IRGM: variants seen among roughly 807,000 people sequenced by gnomAD.
IRGM encodes immunity-related GTPase family M protein.
For synonymous variants in IRGM, 98 were observed against 80.6 expected (o/e 1.22, Z -1.16); for missense variants, 288 against 219.9 (o/e 1.31, Z -1.96).
At chr5:150,898,501 C>T (rs751998900) in intron 3 of IRGM, 1 of 1,613,162 alleles carries the variant, frequency 6.2e-7, no homozygotes, top group Non-Finnish European at 8.5e-7. Flanking sequence ...GGTCAAGTTG[C>T]TGCCACTCCT....
chr5:150,851,825 T>A (rs1467931924), downstream of IRGM, among the ~76,000 whole-genome samples: 1 of 152,242 alleles, frequency 6.6e-6, no homozygotes, highest in Non-Finnish European at 1.5e-5. Context: ...TTATTGTAGA[T>A]GAATCTGGAA....
chr5:150,874,177 C>A (rs912563271), intron 1 of IRGM, among the ~76,000 whole-genome samples: 2 of 152,192 alleles, frequency 1.3e-5, no homozygotes, highest in African/African-American at 4.8e-5. Context: ...GCAAGGCCAG[C>A]AATATCCTAT....
intron 3 of IRGM, chr5:150,898,206 G>A (rs1407486028): frequency 5.0e-6 from 8 of 1,611,852 alleles, no homozygotes; most frequent in Non-Finnish European, 5.9e-6. Flanking sequence ...AAATCACAGA[G>A]AATTGAGATT....
At chr5:150,880,380 C>T (rs535562638) in intron 3 of IRGM, among the ~76,000 whole-genome samples, 7 of 152,084 alleles carry the variant, frequency 4.6e-5, no homozygotes, top group African/African-American at 7.2e-5. Context: ...ATGCTTAAAC[C>T]GAAATTAAGA....
At chr5:150,851,921 C>G (rs566126269), downstream of IRGM, among the ~76,000 whole-genome samples, 1 of 152,268 alleles carries the variant, frequency 6.6e-6, no homozygotes, top group Admixed American at 6.5e-5. Context: ...GTAAAAAGCT[C>G]TAAACTTAAA....
At chr5:150,876,498 C>A (rs1754364856) in intron 1 of IRGM, among the ~76,000 whole-genome samples, 1 of 152,140 alleles carries the variant, frequency 6.6e-6, no homozygotes, top group Non-Finnish European at 1.5e-5. Context: ...AGTCAACAGG[C>A]TAAGAAGGGA....
At chr5:150,896,536 G>A (rs1581659159) in intron 3 of IRGM, 2 of 1,613,614 alleles carry the variant, frequency 1.2e-6, no homozygotes, top group South Asian at 1.1e-5. Context: ...ACTCCATTGT[G>A]AATCTTCTCA....
intron 1 of IRGM, among the ~76,000 whole-genome samples, chr5:150,873,425 C>G (rs1482467509): frequency 1.3e-5 from 2 of 152,176 alleles, no homozygotes; most frequent in African/African-American, 4.8e-5. Context: ...TGCTGTTAAT[C>G]TTTCTCCCAT....
intron 1 of IRGM, among the ~76,000 whole-genome samples, chr5:150,859,152 G>T (rs1218977080): frequency 6.6e-6 from 1 of 152,134 alleles, no homozygotes; most frequent in Non-Finnish European, 1.5e-5. Flanking sequence ...GTTGAATTTT[G>T]TCAAGGGCCT....
downstream of IRGM, among the ~76,000 whole-genome samples, chr5:150,849,582 G>A (rs1186278340): frequency 6.6e-6 from 1 of 150,680 alleles, no homozygotes; most frequent in African/African-American, 2.4e-5. Context: ...CCATATATAT[G>A]GGTGTAATTT....
downstream of IRGM, among the ~76,000 whole-genome samples, chr5:150,901,143 G>A (rs1220451920): frequency 6.6e-6 from 1 of 151,954 alleles, no homozygotes; most frequent in Non-Finnish European, 1.5e-5. Flanking sequence ...CTTCCTGAAG[G>A]AAGAAGCATT....
Position 150,854,859 on chromosome 5 carries a change from A to G in IRGM, c.158+6205A>G, listed in dbSNP as rs192278758. Among the ~76,000 whole-genome samples, 13 of 152,214 alleles carry G rather than the reference A, an allele frequency of 8.5e-5. No individual in the cohort carries two copies. In the East Asian group the frequency reaches 1.2e-3, roughly 14 times the overall value. On this transcript the variant is annotated intron_variant and NMD_transcript_variant, in intron 1 of 3. Coordinates refer to the IRGM transcript ENST00000520549. ...CCTCAAACTTGGGAAGCTTTTGGCTATTACTTTTTCAAAAAAATTATCTGC... is the reference window on the plus strand; with the variant it reads ...CCTCAAACTTGGGAAGCTTTTGGCTGTTACTTTTTCAAAAAAATTATCTGC...
intron 3 of IRGM, among the ~76,000 whole-genome samples, chr5:150,886,790 T>C (rs1754531363): frequency 6.6e-6 from 1 of 151,782 alleles, no homozygotes; most frequent in African/African-American, 2.4e-5. Context: ...ATGTTTCCTC[T>C]TTTTTTCTTT....
intron 3 of IRGM, chr5:150,898,244 G>T: frequency 6.2e-7 from 1 of 1,604,800 alleles, no homozygotes; most frequent in East Asian, 2.2e-5. Flanking sequence ...AAGAGAAGGT[G>T]CAGTTTCAGA....
At chr5:150,899,147 T>A (rs1428078213) in intron 3 of IRGM, among the ~76,000 whole-genome samples, 1 of 152,044 alleles carries the variant, frequency 6.6e-6, no homozygotes, top group African/African-American at 2.4e-5. Context: ...TCCCTCACAG[T>A]CCTGAAGAAC....
intron 1 of IRGM, among the ~76,000 whole-genome samples, chr5:150,868,195 G>A (rs1754233766): frequency 6.6e-6 from 1 of 152,070 alleles, no homozygotes; most frequent in African/African-American, 2.4e-5. Flanking sequence ...CATGTGACTT[G>A]CCAATTATCC....
At chr5:150,896,504 C>A in intron 3 of IRGM, 2 of 1,613,528 alleles carry the variant, frequency 1.2e-6, no homozygotes, top group Non-Finnish European at 1.7e-6. Flanking sequence ...CGTTTCCACA[C>A]TGATTATCAT....
At chr5:150,896,775 G>GT (rs1754802867) in intron 3 of IRGM, 1 of 1,613,740 alleles carries the variant, frequency 6.2e-7, no homozygotes, top group East Asian at 2.2e-5. Context: ...CTCAGTCACT[G>GT]TTTTGCTGTT....
chr5:150,896,720 C>T (rs969362824), intron 3 of IRGM: 2 of 1,613,454 alleles, frequency 1.2e-6, no homozygotes, highest in Non-Finnish European at 1.7e-6. Flanking sequence ...TTTCTATGCA[C>T]TCTTGAAATA....
Sources: allele counts gnomAD v4.1 joint callset (sites outside exome capture counted in the v4.1 genomes callset), GRCh38; gene constraint gnomAD v4.1.1; transcripts MANE v1.5; gene names NCBI Gene and HGNC (gene_info 2026-07-23, HGNC 2026-07-21).